Variants in CRISPLD2 observed in about 807,000 individuals in gnomAD.
CRISPLD2 encodes cysteine rich secretory protein LCCL domain containing 2, also known as cysteine-rich secretory protein LCCL domain-containing 2.
Under a neutral mutation model 71.1 loss-of-function variants are expected in CRISPLD2, and 47 were observed. That is an observed-to-expected ratio of 0.66 (90% CI 0.52 to 0.84). CRISPLD2 has a LOEUF of 0.84. Ranked by LOEUF, CRISPLD2 falls within the 40% of genes least tolerant of loss-of-function variation. CRISPLD2 has a pLI of 0.00. For synonymous variants in CRISPLD2, 317 were observed against 250.1 expected (o/e 1.27, Z -2.52); for missense variants, 830 against 651.1 (o/e 1.27, Z -2.99).
intron 6 of CRISPLD2, among the ~76,000 whole-genome samples, chr16:84,862,027 C>T (rs909242461): frequency 1.3e-5 from 2 of 152,216 alleles, no homozygotes; most frequent in Non-Finnish European, 2.9e-5. Context: ...ATGTGGACAG[C>T]TGGGTAGGAT....
intron 9 of CRISPLD2, 57 bp from the exon 10 acceptor site, chr16:84,872,935 A>C (rs1005058458): frequency 9.7e-6 from 15 of 1,552,194 alleles, no homozygotes; most frequent in African/African-American, 1.4e-5. Context: ...ATTTCTGGTG[A>C]AACTTGCTGA....
chr16:84,839,174 A>C, intron 2 of CRISPLD2: 1 of 348,318 alleles, frequency 2.9e-6, no homozygotes, highest in African/African-American at 2.2e-5. Flanking sequence ...GGCATGAGTC[A>C]CCCTGTCTGG....
chr16:84,902,970 GT>G (rs1170494129), intron 14 of CRISPLD2, among the ~76,000 whole-genome samples: 1 of 151,714 alleles, frequency 6.6e-6, no homozygotes, highest in African/African-American at 2.4e-5. Context: ...GTTTCACTGT[GT>G]TGAGCAGGCT....
chr16:84,902,306 C>G (rs2071762182), intron 14 of CRISPLD2, among the ~76,000 whole-genome samples: 1 of 151,912 alleles, frequency 6.6e-6, no homozygotes, highest in Non-Finnish European at 1.5e-5. Context: ...AGGCTGCATG[C>G]AGAGAGTACA....
intron 14 of CRISPLD2, among the ~76,000 whole-genome samples, chr16:84,896,968 G>T (rs183053425): frequency 6.6e-6 from 1 of 152,092 alleles, no homozygotes; most frequent in African/African-American, 2.4e-5. Context: ...CCTTAATCCC[G>T]TCTGTGTGTT....
intron 14 of CRISPLD2, among the ~76,000 whole-genome samples, chr16:84,889,748 TTCTTTGTGTGTGTG>T (rs1313231354): frequency 4.9e-5 from 7 of 141,422 alleles, no homozygotes; most frequent in African/African-American, 1.9e-4. Flanking sequence ...CCGGTTGTTT[TTCTTTGTGTGTGTG>T]TGTGTGTGTG....
chr16:84,853,460 G>T (rs961292537), intron 5 of CRISPLD2, among the ~76,000 whole-genome samples: 1 of 152,192 alleles, frequency 6.6e-6, no homozygotes, highest in Non-Finnish European at 1.5e-5. Context: ...CTGTGTGCAC[G>T]TCATAACAGT....
chr16:84,846,612 G>T (rs1178828745), intron 3 of CRISPLD2, among the ~76,000 whole-genome samples: 1 of 152,110 alleles, frequency 6.6e-6, no homozygotes, highest in Non-Finnish European at 1.5e-5. Context: ...CCGTTCCTGT[G>T]GGGTGAACTG....
At chr16:84,902,956 A>C (rs921076549) in intron 14 of CRISPLD2, among the ~76,000 whole-genome samples, 3 of 151,446 alleles carry the variant, frequency 2.0e-5, no homozygotes, top group African/African-American at 7.3e-5. Context: ...TATTTTTAGT[A>C]GGGGTTTCAC....
intron 14 of CRISPLD2, among the ~76,000 whole-genome samples, chr16:84,899,710 G>A (rs1424737506): frequency 9.2e-5 from 14 of 152,168 alleles, no homozygotes; most frequent in Admixed American, 8.5e-4. Flanking sequence ...TTAATGGGGT[G>A]CATGGTTGTC....
Position 84,890,415 on chromosome 16 carries a change from A to T in CRISPLD2, c.1439+1052A>T, listed in dbSNP as rs142795343. 8.3e-3 allele frequency among the ~76,000 whole-genome samples: 1,260 copies of T among 151,766 alleles called. 13 individuals are homozygous for T. Among genetic ancestry groups the T allele is most frequent in the Middle Eastern group, 0.048 (14 of 294 alleles). ...TCTGCAAATGAGGGTTATGTTGATTACTCCGTATTTCCACTCGAGACCATA... is the reference window on the plus strand; with the variant it reads ...TCTGCAAATGAGGGTTATGTTGATTTCTCCGTATTTCCACTCGAGACCATA... On this transcript the variant is annotated intron_variant, in intron 14 of 14. Transcript: ENST00000262424.
intron 14 of CRISPLD2, among the ~76,000 whole-genome samples, chr16:84,905,289 C>T (rs1029553476): frequency 2.6e-5 from 4 of 152,162 alleles, no homozygotes; most frequent in Admixed American, 2.6e-4. Context: ...TTGTCTAACA[C>T]TGGATTGTGG....
chr16:84,906,828 C>G lies in CRISPLD2; in HGVS notation c.*186C>G. ...TCCCCTCACTGAAGCAACAGCATCC[C>G]AAGGTGCTCAGCCGGACTCCCTGGT... On this transcript the variant is annotated 3_prime_UTR_variant, in exon 15 of 15. Transcript: ENST00000262424. 1.4e-6 allele frequency: 1 copy of G among 723,952 alleles called. No homozygotes were observed. 44.8% of individuals were successfully genotyped at this position (723,952 alleles called of 1,614,324 possible). A position where few individuals can be genotyped will look rare whatever the true frequency, so the allele number is the denominator to read the frequency against.
intron 10 of CRISPLD2, 33 bp from the exon 11 acceptor site, chr16:84,873,887 A>T (rs2143292923): frequency 6.6e-7 from 1 of 1,522,294 alleles, no homozygotes; most frequent in East Asian, 2.3e-5. Context: ...CATTTACCTA[A>T]TGCCCGTTTT....
intron 14 of CRISPLD2, among the ~76,000 whole-genome samples, chr16:84,903,183 C>G (rs111755714): frequency 1.8e-4 from 28 of 152,176 alleles, no homozygotes; most frequent in Middle Eastern, 3.2e-3. Context: ...GGCCTCCCGT[C>G]AATTTAATGC....
intron 13 of CRISPLD2, among the ~76,000 whole-genome samples, chr16:84,882,241 C>T (rs1169098564): frequency 1.3e-5 from 2 of 150,150 alleles, no homozygotes; most frequent in African/African-American, 4.9e-5. Context: ...GTTAAATGTA[C>T]TGAATGAGAC....
intron 5 of CRISPLD2, among the ~76,000 whole-genome samples, chr16:84,853,167 G>A (rs1917136021): frequency 6.6e-6 from 1 of 152,170 alleles, no homozygotes; most frequent in African/African-American, 2.4e-5. Flanking sequence ...CGTCAGTGGT[G>A]TGGTTTGTCT....
intron 14 of CRISPLD2, among the ~76,000 whole-genome samples, chr16:84,902,024 C>G (rs114468441): frequency 0.013 from 1,994 of 151,606 alleles, 47 homozygotes; most frequent in African/African-American, 0.044. Flanking sequence ...GTCTTGAACT[C>G]CTGATCTCAA....
intron 1 of CRISPLD2, chr16:84,828,260 A>G (rs1916404508): frequency 1.3e-5 from 2 of 152,118 alleles, no homozygotes; most frequent in South Asian, 4.1e-4. Context: ...TCAGGAGGAG[A>G]AGGGAAAGAA....
Sources: allele counts gnomAD v4.1 joint callset (sites outside exome capture counted in the v4.1 genomes callset), GRCh38; gene constraint gnomAD v4.1.1; transcripts MANE v1.5; gene names NCBI Gene and HGNC (gene_info 2026-07-23, HGNC 2026-07-21).